Variants in PRH1 observed in about 807,000 individuals in gnomAD.
PRH1 encodes proline rich protein HaeIII subfamily 1, also known as salivary acidic proline-rich phosphoprotein 1/2.
A neutral mutation model predicts 7.9 loss-of-function variants in PRH1; 7 were observed. The observed-to-expected ratio is 0.89, with a 90% CI of 0.50 to 1.67. The LOEUF (loss-of-function observed/expected upper bound fraction) is 1.67. PRH1 is among the 40% of genes most tolerant of loss of function. PRH1 has a pLI of 0.00. For missense variants in PRH1, 109 were observed against 223.6 expected (o/e 0.49, Z 3.27); for synonymous variants, 45 against 80.8 (o/e 0.56, Z 2.38).
chr12:10,958,690 A>T (rs117826044), intron 2 of PRH1, among the ~76,000 whole-genome samples: 2,305 of 152,292 alleles, frequency 0.015, 21 homozygotes, highest in South Asian at 0.031. Context: ...AGAAAGAGCA[A>T]TCCAAGAAGA....
chr12:11,061,701 T>G lies in PRH1; in HGVS notation n.124-14513A>C, dbSNP rs369672636. 4 of 1,614,022 alleles carry G rather than the reference T, an allele frequency of 2.5e-6. No individual in the cohort carries two copies. In the African/African-American group the frequency reaches 5.3e-5, roughly 22 times the overall value. On this transcript the variant is annotated intron_variant and non_coding_transcript_variant, in intron 1 of 4. Transcript: ENST00000541977. ...TGAGATGTTTACACAGAGAACAGATTAACAGCAGAAAAGATATCAGGGTCA... is the reference window on the plus strand; with the variant it reads ...TGAGATGTTTACACAGAGAACAGATGAACAGCAGAAAAGATATCAGGGTCA...
chr12:11,149,328 G>T (rs1268228566), intron 1 of PRH1, among the ~76,000 whole-genome samples: 7 of 152,162 alleles, frequency 4.6e-5, no homozygotes, highest in Admixed American at 2.0e-4. Flanking sequence ...CCTTCTGCTA[G>T]CTTTTGAATG....
chr12:10,976,283 T>C lies in PRH1; in HGVS notation c.-125-2562A>G, dbSNP rs925443584. Among the ~76,000 whole-genome samples, 7 of 152,106 alleles carry C rather than the reference T, an allele frequency of 4.6e-5. 1 individual carries two copies. The highest frequency in any genetic ancestry group is 1.4e-4 in the African/African-American group (6 of 41,444). Reference sequence around the variant, plus strand: ...ACTAAGACAATAGCTTAAAACCATATAATTACATGGAAATTAAACAACCCT... The same window carrying C: ...ACTAAGACAATAGCTTAAAACCATACAATTACATGGAAATTAAACAACCCT... On this transcript the variant is annotated intron_variant, in intron 1 of 3. Transcript: ENST00000539853.
At chr12:11,070,300 A>G (rs1366916089) in intron 1 of PRH1, among the ~76,000 whole-genome samples, 2 of 152,188 alleles carry the variant, frequency 1.3e-5, no homozygotes, top group Non-Finnish European at 2.9e-5. Flanking sequence ...CAAAAAAGGG[A>G]AGAATGCCTC....
chr12:10,985,884 CA>C, intron 1 of PRH1: 1 of 1,366,848 alleles, frequency 7.3e-7, no homozygotes, highest in African/African-American at 1.5e-5. Context: ...CAGACACTAT[CA>C]GTTTGTTTTC....
At chr12:11,000,780 G>C (rs572244314) in intron 1 of PRH1, among the ~76,000 whole-genome samples, 6 of 152,014 alleles carry the variant, frequency 3.9e-5, no homozygotes, top group Non-Finnish European at 8.8e-5. Flanking sequence ...TTTCTTTATA[G>C]TTGTCTTCCA....
At chr12:11,001,325 CT>C (rs913783457) in intron 1 of PRH1, among the ~76,000 whole-genome samples, 1 of 152,074 alleles carries the variant, frequency 6.6e-6, no homozygotes. Flanking sequence ...AAATTTTACT[CT>C]TTTTTTATTA....
rs554804844 is a variant in PRH1, at chr12:11,096,430, C to T, written n.124-49242G>A. ...TCTCCTTATATAAATCGTTTTCTAA[C>T]GGAGAAACTAAACCAATATTCCTAA... is the stretch of plus-strand genomic sequence containing the variant. On this transcript the variant is annotated intron_variant and non_coding_transcript_variant, in intron 1 of 4. Transcript: ENST00000541977. Among the ~76,000 whole-genome samples, 18 of 114,988 alleles carry T rather than the reference C, an allele frequency of 1.6e-4. 4 individuals are homozygous for T. The South Asian group carries it at 3.1e-3, about 20-fold the overall frequency. The allele number at this position is 114,988 out of a possible 152,430, so 75.4% of individuals were successfully genotyped here.
chr12:11,034,680 T>TGGGG (rs937967317), intron 1 of PRH1: 20 of 152,042 alleles, frequency 1.3e-4, no homozygotes, highest in African/African-American at 4.8e-4. Flanking sequence ...TTTGTAAGGC[T>TGGGG]GGGGCAGGAG....
intron 1 of PRH1, among the ~76,000 whole-genome samples, chr12:11,138,912 C>T (rs907674297): frequency 2.6e-4 from 39 of 152,014 alleles, no homozygotes; most frequent in Non-Finnish European, 3.8e-4. Flanking sequence ...TGGTGGTGCA[C>T]GCCTGTTGTC....
chr12:11,072,888 T>C (rs1445522857), intron 1 of PRH1, among the ~76,000 whole-genome samples: 6 of 151,560 alleles, frequency 4.0e-5, no homozygotes, highest in Admixed American at 3.3e-4. Flanking sequence ...GCGATGTCAC[T>C]TCTGCTCTCA....
At chr12:10,881,946 A>G (rs908179366) in intron 3 of PRH1, among the ~76,000 whole-genome samples, 3 of 152,150 alleles carry the variant, frequency 2.0e-5, no homozygotes, top group African/African-American at 7.2e-5. Context: ...CCAAAGGGGG[A>G]ACATGGTTCT....
chr12:11,105,113 G>C (rs1172185283), intron 1 of PRH1, among the ~76,000 whole-genome samples: 2 of 151,726 alleles, frequency 1.3e-5, no homozygotes, highest in African/African-American at 4.8e-5. Flanking sequence ...CATTGTGTCA[G>C]ATGACTTTGA....
rs866244326 is a variant in PRH1 at position 11,090,500 on chromosome 12, G to A, written n.124-43312C>T. On this transcript the variant is annotated intron_variant and non_coding_transcript_variant, in intron 1 of 4. Transcript: ENST00000541977. Reference sequence around the variant, plus strand: ...TTAATTCAAAAGCGGAAGAAATGACGTTTCTAACTGCATATGCATAACTGA... The same window carrying A: ...TTAATTCAAAAGCGGAAGAAATGACATTTCTAACTGCATATGCATAACTGA... Among the ~76,000 whole-genome samples the A allele has an allele frequency of 6.9e-5, 8 of 116,184 alleles. 2 individuals are homozygous for A. Among genetic ancestry groups the A allele is most frequent in the Non-Finnish European group, 1.6e-4 (8 of 48,952 alleles). The allele number at this position is 116,184 out of a possible 152,430, so 76.2% of individuals were successfully genotyped here.
chr12:10,998,829 T>C (rs187163299), intron 1 of PRH1, among the ~76,000 whole-genome samples: 43 of 152,148 alleles, frequency 2.8e-4, no homozygotes, highest in Admixed American at 1.7e-3. Flanking sequence ...GGGCTCTGAG[T>C]TCGATCATGT....
chr12:10,971,139 A>C (rs935614264), intron 2 of PRH1, among the ~76,000 whole-genome samples: 6 of 152,234 alleles, frequency 3.9e-5, no homozygotes, highest in African/African-American at 1.4e-4. Flanking sequence ...AGAATTTTCC[A>C]GCCATCCAGA....
At chr12:11,057,412 G>A (rs1943409735) in intron 1 of PRH1, among the ~76,000 whole-genome samples, 1 of 152,192 alleles carries the variant, frequency 6.6e-6, no homozygotes, top group Admixed American at 6.5e-5. Flanking sequence ...TAATTGAACT[G>A]GATACGTATG....
At chr12:11,022,412 A>G in intron 1 of PRH1, 1 of 1,614,082 alleles carries the variant, frequency 6.2e-7, no homozygotes, top group South Asian at 1.1e-5. Flanking sequence ...CCAATTCTGG[A>G]GACCACCAGA....
chr12:10,951,254 G>A lies in PRH1; in HGVS notation c.-59+22401C>T, dbSNP rs193165162. On this transcript the variant is annotated intron_variant, in intron 2 of 3. Transcript: ENST00000539853. ...TTCACTGTTTTGCAATATTTTCCTC[G>A]TGTAGTCATAATTTGTGTTCAGCAA... Among the ~76,000 whole-genome samples the A allele has an allele frequency of 3.2e-3, 492 of 152,016 alleles. 1 individual carries two copies. Among genetic ancestry groups the A allele is most frequent in the Non-Finnish European group, 4.5e-3 (309 of 67,952 alleles).
Sources: allele counts gnomAD v4.1 joint callset (sites outside exome capture counted in the v4.1 genomes callset), GRCh38; gene constraint gnomAD v4.1.1; transcripts MANE v1.5; gene names NCBI Gene and HGNC (gene_info 2026-07-23, HGNC 2026-07-21).